Variants in TTYH1 observed in about 807,000 individuals in gnomAD.
TTYH1 encodes the protein tweety family member 1.
A neutral mutation model predicts 61.2 loss-of-function variants in TTYH1; 33 were observed. The observed-to-expected ratio is 0.54, with a 90% CI of 0.41 to 0.72. The LOEUF (loss-of-function observed/expected upper bound fraction) is 0.72, where lower values mean the gene tolerates loss of function less well. Ranked by LOEUF, TTYH1 falls within the 30% of genes least tolerant of loss-of-function variation. The pLI, the probability that TTYH1 is intolerant of heterozygous loss-of-function variation, is 0.00. For missense variants in TTYH1, 538 were observed against 575.8 expected (o/e 0.93, Z 0.67); for synonymous variants, 308 against 266.4 (o/e 1.16, Z -1.52).
intron 10 of TTYH1, among the ~76,000 whole-genome samples, 191 bp from the exon 11 acceptor site, chr19:54,435,351 C>A (rs1160871142): frequency 6.6e-6 from 1 of 152,116 alleles, no homozygotes; most frequent in Non-Finnish European, 1.5e-5. Flanking sequence ...AGTGCCAGGC[C>A]TATCACACCA....
chr19:54,430,033 C>A (rs1296033717), intron 7 of TTYH1, 76 bp downstream of exon 7: 1 of 1,335,280 alleles, frequency 7.5e-7, no homozygotes, highest in Non-Finnish European at 1.1e-6. Flanking sequence ...CCTCTGTGCC[C>A]GGTCCTGCCC....
chr19:54,416,838 C>T lies in TTYH1; in HGVS notation c.126+1160C>T, dbSNP rs758789570. ...TCCAACAACGCCGCTCCACCGGCTC[C>T]GGCCTCGGCCCAGACTCACGCCCGC... On this transcript the variant is annotated intron_variant, in intron 1 of 13. Coordinates refer to ENST00000376530, the MANE Select transcript of TTYH1 (RefSeq NM_020659.4). The surrounding 1 kb of genome is among the most constrained non-coding windows in gnomAD (Gnocchi z 7.0). 14 of 1,293,510 alleles carry T rather than the reference C, an allele frequency of 1.1e-5. No homozygotes were observed. The highest frequency in any genetic ancestry group is 1.4e-5 in the Non-Finnish European group (14 of 988,698). The allele number at this position is 1,293,510 out of a possible 1,614,324, so 80.1% of individuals were successfully genotyped here. A position where few individuals can be genotyped will look rare whatever the true frequency, so the allele number is the denominator to read the frequency against.
chr19:54,428,848 C>A (rs750873018), intron 5 of TTYH1, among the ~76,000 whole-genome samples: 1 of 152,104 alleles, frequency 6.6e-6, no homozygotes, highest in Non-Finnish European at 1.5e-5. Flanking sequence ...GTCACCCTAC[C>A]AATGCTGACA....
chr19:54,433,360 C>G (rs958096094), intron 10 of TTYH1: 3 of 152,080 alleles, frequency 2.0e-5, no homozygotes, highest in African/African-American at 7.3e-5. Flanking sequence ...GAGTTTGAGA[C>G]CAGCCTGGCC....
rs552472817 is a variant in TTYH1, at chr19:54,420,918, G to A, written c.306-359G>A. On this transcript the variant is annotated intron_variant, in intron 2 of 13. Coordinates refer to ENST00000376530, the MANE Select transcript of TTYH1 (RefSeq NM_020659.4). The surrounding 1 kb of genome is among the most constrained non-coding windows in gnomAD (Gnocchi z 4.8). ...CTGCCTGGCAAAGGATGCGGGGGAA[G>A]GGTGTGGGGCAGGCAGTCCTAGGGA... The A allele has an allele frequency of 2.9e-6, 1 of 340,904 alleles. No homozygotes were observed. The highest frequency in any genetic ancestry group is 2.1e-5 in the African/African-American group (1 of 47,664). The allele number at this position is 340,904 out of a possible 1,614,324, so 21.1% of individuals were successfully genotyped here.
intron 10 of TTYH1, 37 bp downstream of exon 10, chr19:54,431,228 G>A: frequency 6.6e-7 from 1 of 1,508,626 alleles, no homozygotes; most frequent in Non-Finnish European, 9.2e-7. Flanking sequence ...TCTCCCACGG[G>A]GGGCCTCTGT....
chr19:54,429,410 G>A lies in TTYH1; in HGVS notation c.807+31G>A. Reference sequence around the variant, plus strand: ...TGCCAGGGCCGGGCCATTGGGCTCTGGGACTCAGGGGGCCTGGAGACTTCA... The same window carrying A: ...TGCCAGGGCCGGGCCATTGGGCTCTAGGACTCAGGGGGCCTGGAGACTTCA... On this transcript the variant is annotated intron_variant, in intron 6 of 13. Transcript: ENST00000376530. This position sits in a 1 kb window ranked among gnomAD's most constrained non-coding sequence, Gnocchi z 5.1. The A allele has an allele frequency of 6.2e-7, 1 of 1,600,310 alleles. No individual in the cohort carries two copies. Among genetic ancestry groups the A allele is most frequent in the Non-Finnish European group, 8.6e-7 (1 of 1,168,774 alleles).
rs1725976083 is a variant in TTYH1 at position 54,416,989 on chromosome 19, T to C, written c.126+1311T>C. The C allele has an allele frequency of 1.7e-6, 2 of 1,204,204 alleles. No individual in the cohort carries two copies. The highest frequency in any genetic ancestry group is 3.1e-5 in the Admixed American group (1 of 31,938). 74.6% of individuals were successfully genotyped at this position (1,204,204 alleles called of 1,614,324 possible). Reference sequence around the variant, plus strand: ...GGGGTCAGGGTCAGGGTGGCAGGGATGCGCGGGCAGAGCCCCACAGCCGAG... The same window carrying C: ...GGGGTCAGGGTCAGGGTGGCAGGGACGCGCGGGCAGAGCCCCACAGCCGAG... On this transcript the variant is annotated intron_variant, in intron 1 of 13. Transcript: ENST00000376530. The surrounding 1 kb of genome is among the most constrained non-coding windows in gnomAD (Gnocchi z 7.0).
intron 1 of TTYH1, chr19:54,417,035 C>T (rs1439552643): frequency 4.5e-5 from 46 of 1,020,648 alleles, no homozygotes; most frequent in Non-Finnish European, 5.6e-5. Flanking sequence ...GGGACCCCTG[C>T]AGGGACGCGA....
In TTYH1 at chr19:54,429,879, C is replaced by T; in HGVS notation, c.808-3C>T. On this transcript the variant is annotated splice_polypyrimidine_tract_variant and splice_region_variant and intron_variant, in intron 6 of 13. Transcript: ENST00000376530. This position sits in a 1 kb window ranked among gnomAD's most constrained non-coding sequence, Gnocchi z 5.1. ...TGAGCCCCTTTTCTGCTGCCTCACGCAGGGCCTCAGTGACTTCTGCTCCAA... is the reference window on the plus strand; with the variant it reads ...TGAGCCCCTTTTCTGCTGCCTCACGTAGGGCCTCAGTGACTTCTGCTCCAA... 2 of 1,613,726 alleles carry T rather than the reference C, an allele frequency of 1.2e-6. No individual in the cohort carries two copies. The highest frequency in any genetic ancestry group is 1.1e-5 in the South Asian group (1 of 91,072).
At position 54,416,536 on chromosome 19, in the gene TTYH1, C is replaced by G; in HGVS notation, c.126+858C>G. On this transcript the variant is annotated intron_variant, in intron 1 of 13. Transcript: ENST00000376530. The surrounding 1 kb of genome is among the most constrained non-coding windows in gnomAD (Gnocchi z 7.0). ...GGGGTGCTGGGAGTCCCGATGTGGCCCCAGGACGGGTCCTGGCCCTGCTGA... is the reference window on the plus strand; with the variant it reads ...GGGGTGCTGGGAGTCCCGATGTGGCGCCAGGACGGGTCCTGGCCCTGCTGA... 1 of 321,348 alleles carries G rather than the reference C, an allele frequency of 3.1e-6. No homozygotes were observed. Among genetic ancestry groups the G allele is most frequent in the Non-Finnish European group, 6.1e-6 (1 of 165,288 alleles). The allele number at this position is 321,348 out of a possible 1,614,324, so 19.9% of individuals were successfully genotyped here.
Position 54,419,153 on chromosome 19 carries a change from CGGGCCTGGGCTT to C in TTYH1, c.160_171del (p.Gly54_Leu57del), listed in dbSNP as rs773028284. 3.1e-6 allele frequency: 5 copies of C among 1,612,162 alleles called. No homozygotes were observed. The highest frequency in any genetic ancestry group is 4.2e-6 in the Non-Finnish European group (5 of 1,179,308). On this transcript the variant is annotated inframe_deletion, in exon 2 of 14. Transcript: ENST00000376530. The surrounding 1 kb of genome is among the most constrained non-coding windows in gnomAD (Gnocchi z 6.1). ...GCCTTGTTGCTGGTGGCGGCCTTGG[CGGGCCTGGGCTT>C]GGGCCTGAGCCTCATTTTCATCGCT... is the stretch of plus-strand genomic sequence containing the variant.
intron 9 of TTYH1, 36 bp from the exon 10 acceptor site, chr19:54,431,063 G>A: frequency 6.4e-7 from 1 of 1,561,064 alleles, no homozygotes; most frequent in Non-Finnish European, 8.8e-7. Context: ...CGGGCCTGAA[G>A]AGTTCGTGGG....
In TTYH1 at chr19:54,415,830, G is replaced by C; in HGVS notation, c.126+152G>C. 3 of 967,976 alleles carry C rather than the reference G, an allele frequency of 3.1e-6. No homozygotes were observed. The highest frequency in any genetic ancestry group is 4.4e-6 in the Non-Finnish European group (3 of 681,352). The allele number at this position is 967,976 out of a possible 1,614,324, so 60.0% of individuals were successfully genotyped here. A position where few individuals can be genotyped will look rare whatever the true frequency, so the allele number is the denominator to read the frequency against. The stretch of plus-strand genomic sequence containing the variant: ...GGGGTTTCGGAGGGAGGAGGAGCCT[G>C]GGGGCGCCCATGCCTGGAGGTTCTC... On this transcript the variant is annotated intron_variant, in intron 1 of 13. Transcript: ENST00000376530. This position sits in a 1 kb window ranked among gnomAD's most constrained non-coding sequence, Gnocchi z 5.2.
chr19:54,431,053 C>A, intron 9 of TTYH1, 46 bp from the exon 10 acceptor site: 1 of 1,513,164 alleles, frequency 6.6e-7, no homozygotes, highest in Non-Finnish European at 9.1e-7. Context: ...GGGCGATGGG[C>A]GGGCCTGAAG....
chr19:54,431,510 C>G (rs919818502), intron 10 of TTYH1: 33 of 410,940 alleles, frequency 8.0e-5, no homozygotes, highest in Non-Finnish European at 7.5e-5. Flanking sequence ...CTCCTCTCTC[C>G]GTCCTCCTGC....
intron 1 of TTYH1, among the ~76,000 whole-genome samples, chr19:54,418,007 G>GAC (rs35160501): frequency 0.03 from 4,408 of 148,122 alleles, 95 homozygotes; most frequent in South Asian, 0.094. Flanking sequence ...ACACACTTGG[G>GAC]ACACACACAC....
In TTYH1 at chr19:54,429,999, G is replaced by A; in HGVS notation, c.883+42G>A. 6.4e-7 allele frequency: 1 copy of A among 1,559,078 alleles called. No individual in the cohort carries two copies. Among genetic ancestry groups the A allele is most frequent in the Non-Finnish European group, 8.8e-7 (1 of 1,132,104 alleles). On this transcript the variant is annotated intron_variant, in intron 7 of 13. Transcript: ENST00000376530. This position sits in a 1 kb window ranked among gnomAD's most constrained non-coding sequence, Gnocchi z 5.1. ...CGGTGGGTCCGCCGGGTTGGGCAGT[G>A]CAGGCCCTGGCTTCCTCAGGCCTCC...
In TTYH1 at chr19:54,415,689, G is replaced by A. The variant is rs774801808; in HGVS notation, c.126+11G>A. The A allele has an allele frequency of 1.3e-6, 2 of 1,542,200 alleles. No homozygotes were observed. Among genetic ancestry groups the A allele is most frequent in the Admixed American group, 1.9e-5 (1 of 51,760 alleles). ...CAGGAATACCAGCAGGTGGGACCGG[G>A]CGCCAGGGCCTGGGGGCCAGGGCTG... On this transcript the variant is annotated intron_variant, in intron 1 of 13. Coordinates refer to ENST00000376530, the MANE Select transcript of TTYH1 (RefSeq NM_020659.4). This position sits in a 1 kb window ranked among gnomAD's most constrained non-coding sequence, Gnocchi z 5.2.
Sources: gnomAD v4.1 joint callset for allele counts (sites outside exome capture counted in the v4.1 genomes callset) on GRCh38, gnomAD v4.1.1 for gene constraint, Gnocchi (gnomAD v3.1) non-coding constraint, MANE v1.5 for transcripts, NCBI Gene and HGNC (gene_info 2026-07-23, HGNC 2026-07-21) for gene names.